INO80: variants seen among roughly 807,000 people sequenced by gnomAD.
INO80 encodes chromatin-remodeling ATPase INO80.
Under a neutral mutation model 203.4 loss-of-function variants are expected in INO80, and 20 were observed. The ratio of observed to expected loss-of-function variants is 0.10; its 90% CI spans 0.07 to 0.14. INO80 has a LOEUF of 0.14. Ranked by LOEUF, INO80 falls within the 10% of genes least tolerant of loss-of-function variation. The pLI, the probability that INO80 is intolerant of heterozygous loss-of-function variation, is 1.00. For missense variants in INO80, 1,419 were observed against 1,914.4 expected (o/e 0.74, Z 4.83); for synonymous variants, 726 against 685.2 (o/e 1.06, Z -0.93).
Position 40,979,733 on chromosome 15 carries a change from CCT to C in INO80, c.*488_*489del, listed in dbSNP as rs552566557. 1.4e-4 allele frequency: 24 copies of C among 172,094 alleles called. No individual in the cohort carries two copies. In the South Asian group the frequency reaches 3.4e-3, roughly 24 times the overall value. The allele number at this position is 172,094 out of a possible 1,614,324, so 10.7% of individuals were successfully genotyped here. On this transcript the variant is annotated 3_prime_UTR_variant, in exon 36 of 36. Transcript: ENST00000648947. ...ATGATGACACTCTGGGGTTCAGAGA[CCT>C]GGGGAGCTGCCTGAAGACTGTGGAC...
chr15:41,055,104 T>C (rs2044959232), intron 18 of INO80, 143 bp downstream of exon 18: 3 of 458,862 alleles, frequency 6.5e-6, no homozygotes, highest in Admixed American at 3.7e-5. Context: ...AAAATTATTT[T>C]ATAAGCAAAA....
At chr15:41,068,885 T>A (rs75275253) in intron 14 of INO80, among the ~76,000 whole-genome samples, 60 of 151,854 alleles carry the variant, frequency 4.0e-4, no homozygotes, top group Admixed American at 7.2e-4. Context: ...ACAAGACATG[T>A]ATTAAAAAAA....
At chr15:41,062,241 C>T (rs1316587975) in intron 14 of INO80, among the ~76,000 whole-genome samples, 3 of 152,036 alleles carry the variant, frequency 2.0e-5, no homozygotes, top group African/African-American at 7.2e-5. Context: ...AAAGTAGTAA[C>T]TCTTAATTTA....
At chr15:41,068,197 G>A (rs941976570) in intron 14 of INO80, among the ~76,000 whole-genome samples, 11 of 152,160 alleles carry the variant, frequency 7.2e-5, no homozygotes, top group African/African-American at 2.7e-4. Context: ...TGACGCAGAA[G>A]GATGACTAGA....
chr15:41,044,981 G>A lies in INO80; in HGVS notation c.2830C>T (p.Leu944=), dbSNP rs2044729263. The A allele has an allele frequency of 1.9e-6, 3 of 1,614,052 alleles. No homozygotes were observed. Among genetic ancestry groups the A allele is most frequent in the Admixed American group, 1.7e-5 (1 of 59,992 alleles). ...CCAAGAAGGAAATCCTTGTTCCTCA[G>A]GTATCTCTGGTGGCTCTCCCCTTCT... ...APEGESHQRY[L]RNKDFLLGVN... Residue 944 remains leucine, a synonymous_variant, in exon 24 of 36, where the codon CTG becomes TTG. Transcript: ENST00000648947.
At chr15:41,077,318 T>A (rs1596313018) in intron 9 of INO80, among the ~76,000 whole-genome samples, 1 of 140,762 alleles carries the variant, frequency 7.1e-6, no homozygotes, top group African/African-American at 2.7e-5. Flanking sequence ...TTATCCTTGA[T>A]CCACTCTCCC....
intron 1 of INO80, among the ~76,000 whole-genome samples, chr15:41,114,342 A>G (rs1246565881): frequency 6.6e-6 from 1 of 152,110 alleles, no homozygotes; most frequent in Admixed American, 6.6e-5. Flanking sequence ...ATGATCTCAA[A>G]TTGTTTTATA....
Position 41,073,463 on chromosome 15 carries a change from T to G in INO80, c.1360A>C (p.Asn454His). 2 of 1,614,152 alleles carry G rather than the reference T, an allele frequency of 1.2e-6. No individual in the cohort carries two copies. The highest frequency in any genetic ancestry group is 1.7e-6 in the Non-Finnish European group (2 of 1,179,994). ...SNHFKAQALK[N>H]AENAYHIHQA... ...TGAATATGGTAAGCATTTTCAGCAT[T>G]CTTCAGGGCCTGGGCTTTAAAATGG... is the stretch of plus-strand genomic sequence containing the variant. Residue 454 changes from asparagine (N) to histidine (H), a missense_variant, in exon 11 of 36, where the codon AAT becomes CAT. By Grantham distance (68) the Asn-to-His change is moderately conservative. Around this residue, in one of 9 missense-constraint regions of INO80, gnomAD observed 116 missense variants for 119.5 expected, o/e 0.97. Transcript: ENST00000648947.
At chr15:41,107,146 G>C (rs539930909) in intron 1 of INO80, among the ~76,000 whole-genome samples, 11 of 152,268 alleles carry the variant, frequency 7.2e-5, no homozygotes, top group Admixed American at 3.9e-4. Flanking sequence ...GTCAAGATTT[G>C]CATGCCTGAA....
intron 10 of INO80, among the ~76,000 whole-genome samples, chr15:41,074,059 CTCTGCTGAAACACAGTTCAGT>C (rs1274629775): frequency 1.3e-5 from 2 of 152,062 alleles, no homozygotes; most frequent in Admixed American, 1.3e-4. Context: ...AGATGTTTTC[CTCTGCTGAAACACAGTTCAGT>C]TCTACTGAAC....
At chr15:41,080,906 T>G in intron 8 of INO80, 114 bp downstream of exon 8, 2 of 725,296 alleles carry the variant, frequency 2.8e-6, no homozygotes, top group Non-Finnish European at 2.5e-6. Flanking sequence ...TCTTACGAAC[T>G]ATTAGATTCA....
intron 14 of INO80, among the ~76,000 whole-genome samples, chr15:41,066,740 G>A (rs997278414): frequency 8.8e-5 from 13 of 148,234 alleles, no homozygotes; most frequent in Admixed American, 2.1e-4. Context: ...TGATGTGGGA[G>A]AATGGCTTGA....
At position 40,983,815 on chromosome 15, in the gene INO80, C is replaced by G; in HGVS notation, c.4184G>C (p.Arg1395Pro). The change falls in exon 34 of 36, where the codon CGA (arginine) becomes CCA (proline). Residue 1395 changes from arginine (R) to proline (P), a missense_variant. Around this residue, in one of 9 missense-constraint regions of INO80, gnomAD observed 214 missense variants for 248.9 expected, o/e 0.86. Transcript: ENST00000648947. ...TATGGATGCGGGAGAGTTGGTAGCTCGAGACTGAGGGGCTGAGGAGGCTGG... is the reference window on the plus strand; with the variant it reads ...TATGGATGCGGGAGAGTTGGTAGCTGGAGACTGAGGGGCTGAGGAGGCTGG... ...DDPASSAPQSRATNSPASITG... is the reference protein window; with the variant it reads ...DDPASSAPQSPATNSPASITG... 1 of 1,612,708 alleles carries G rather than the reference C, an allele frequency of 6.2e-7. No homozygotes were observed. The highest frequency in any genetic ancestry group is 1.1e-5 in the South Asian group (1 of 91,000).
At chr15:41,006,506 TA>T (rs2044042120) in intron 27 of INO80, among the ~76,000 whole-genome samples, 2 of 152,368 alleles carry the variant, frequency 1.3e-5, no homozygotes, top group Non-Finnish European at 2.9e-5. Context: ...TGAAAAAGAC[TA>T]ATCATTTCTA....
Position 41,049,985 on chromosome 15 carries a change from C to T in INO80, c.2392G>A (p.Ala798Thr). ...ATGAGGCTGCTGGTGGTGTTCTGTG[C>T]TTGTTGGGTAGAGCCCATAGAAGAC... The part of the protein sequence containing the change: ...LQSSMGSTQQ[A>T]QNTTSSLMNL... The change falls in exon 20 of 36, where the codon GCA (alanine) becomes ACA (threonine). Residue 798 changes from alanine (A) to threonine (T), a missense_variant. Ala to Thr is a moderately conservative substitution (Grantham distance 58). This residue lies in a region of INO80 where 192 missense variants were observed against 406.7 expected (regional missense o/e 0.47). Coordinates refer to ENST00000648947, the MANE Select transcript of INO80 (RefSeq NM_017553.3). 6.2e-7 allele frequency: 1 copy of T among 1,614,106 alleles called. No homozygotes were observed.
intron 16 of INO80, 100 bp downstream of exon 16, chr15:41,058,539 A>G (rs752253270): frequency 1.9e-6 from 2 of 1,051,972 alleles, no homozygotes; most frequent in Non-Finnish European, 1.3e-6. Context: ...GATTTTATTC[A>G]TATATACAAG....
chr15:41,034,169 C>A (rs1401307453), intron 24 of INO80, among the ~76,000 whole-genome samples: 1 of 152,188 alleles, frequency 6.6e-6, no homozygotes, highest in East Asian at 1.9e-4. Context: ...GTGTATCATC[C>A]TGAAGCTAAT....
chr15:41,072,081 ATTAG>A (rs371892582), intron 11 of INO80, 23 bp from the exon 12 acceptor site: 46 of 1,354,536 alleles, frequency 3.4e-5, no homozygotes, highest in Non-Finnish European at 4.1e-5. Flanking sequence ...AAAAAAAAAA[ATTAG>A]AAAAAAAAAA....
At chr15:41,015,969 A>G (rs2044201271) in intron 27 of INO80, 119 bp downstream of exon 27, 1 of 818,964 alleles carries the variant, frequency 1.2e-6, no homozygotes, top group Non-Finnish European at 1.9e-6. Flanking sequence ...AGGAAAAAGA[A>G]AAAAGACAAA....
Sources: allele counts gnomAD v4.1 joint callset (sites outside exome capture counted in the v4.1 genomes callset), GRCh38; gene constraint gnomAD v4.1.1; regional missense constraint gnomAD v4.1.1; transcripts MANE v1.5; gene names NCBI Gene and HGNC (gene_info 2026-07-23, HGNC 2026-07-21).